Variants in PTPRA observed in about 807,000 individuals in gnomAD.
The protein encoded by PTPRA is protein tyrosine phosphatase receptor type A, also known as receptor-type tyrosine-protein phosphatase alpha.
PTPRA carries 25 observed loss-of-function variants against 104.8 expected under a neutral mutation model. The ratio of observed to expected loss-of-function variants is 0.24; its 90% CI spans 0.17 to 0.33. The LOEUF is 0.33. Ranked by LOEUF, PTPRA falls within the 10% of genes least tolerant of loss-of-function variation. The pLI, the probability that PTPRA is intolerant of heterozygous loss-of-function variation, is 1.00. For synonymous variants in PTPRA, 323 were observed against 368.9 expected, an observed-to-expected ratio of 0.88 and a Z score of 1.43; for missense variants, 765 against 1,015.3, an observed-to-expected ratio of 0.75 and a Z score of 3.35.
chr20:3,033,585 T>C (rs999241404), intron 20 of PTPRA, among the ~76,000 whole-genome samples: 3 of 151,162 alleles, frequency 2.0e-5, no homozygotes, highest in Non-Finnish European at 4.5e-5. Flanking sequence ...AAAATATAAA[T>C]CATTGTCACT....
chr20:2,906,765 ATAAT>A (rs1423384795), intron 1 of PTPRA, among the ~76,000 whole-genome samples: 7 of 152,228 alleles, frequency 4.6e-5, no homozygotes, highest in Non-Finnish European at 5.9e-5. Context: ...TACATGTCAA[ATAAT>A]TGATACCAGC....
intron 1 of PTPRA, among the ~76,000 whole-genome samples, chr20:2,899,313 G>A (rs2059139000): frequency 6.6e-6 from 1 of 152,212 alleles, no homozygotes; most frequent in Non-Finnish European, 1.5e-5. Flanking sequence ...GAATGACACA[G>A]AGAGGCCAAT....
chr20:3,018,454 T>G (rs1297388552), intron 13 of PTPRA, among the ~76,000 whole-genome samples: 4 of 151,524 alleles, frequency 2.6e-5, no homozygotes, highest in Non-Finnish European at 5.9e-5. Context: ...TTCAAGCATC[T>G]GTTTAACAAA....
At chr20:2,901,986 A>C (rs28408447) in intron 1 of PTPRA, among the ~76,000 whole-genome samples, 9 of 151,926 alleles carry the variant, frequency 5.9e-5, no homozygotes, top group Admixed American at 5.9e-4. Context: ...CCCAGGTTCA[A>C]GTGATTCTCC....
chr20:3,030,676 CTTTTTTTTTTTTTT>C (rs1180681994), intron 20 of PTPRA, among the ~76,000 whole-genome samples: 2 of 67,732 alleles, frequency 3.0e-5, no homozygotes, highest in South Asian at 5.7e-4. Flanking sequence ...TCTCCCTCTG[CTTTTTTTTTTTTTT>C]TTTTTTTTTT....
At chr20:3,003,248 C>T (rs1324474755) in intron 9 of PTPRA, among the ~76,000 whole-genome samples, 1 of 152,068 alleles carries the variant, frequency 6.6e-6, no homozygotes, top group Non-Finnish European at 1.5e-5. Context: ...TGTATCTAGC[C>T]CAGTGCCTGG....
At position 2,948,758 on chromosome 20, in the gene PTPRA, T is replaced by C. The variant is rs1983715; in HGVS notation, c.-7+734T>C. 9.6e-4 allele frequency among the ~76,000 whole-genome samples: 146 copies of C among 151,914 alleles called. 1 individual carries two copies. The East Asian group carries it at 0.024, about 25-fold the overall frequency. On this transcript the variant is annotated intron_variant, in intron 3 of 23. Transcript: ENST00000399903. ...CAAGGTCAGGAGATCAAGACCATCC[T>C]GGCTAACACAGTGAAACCCTGTCTG... is the stretch of plus-strand genomic sequence containing the variant.
intron 1 of PTPRA, among the ~76,000 whole-genome samples, chr20:2,909,810 T>C (rs1282483983): frequency 3.1e-5 from 4 of 127,104 alleles, no homozygotes; most frequent in Non-Finnish European, 6.2e-5. Context: ...ATATATATAA[T>C]ATAAGATAAT....
chr20:3,013,479 G>A (rs142257292), intron 11 of PTPRA, among the ~76,000 whole-genome samples: 47 of 151,236 alleles, frequency 3.1e-4, no homozygotes, highest in East Asian at 1.8e-3. Context: ...GTGCAATGGC[G>A]CGATCTCACT....
chr20:3,008,977 A>G (rs1374750122), intron 11 of PTPRA, among the ~76,000 whole-genome samples: 1 of 152,148 alleles, frequency 6.6e-6, no homozygotes, highest in African/African-American at 2.4e-5. Flanking sequence ...CAAGAAAAAA[A>G]AAGGACACTG....
At chr20:2,991,318 T>C (rs2063164564) in intron 9 of PTPRA, among the ~76,000 whole-genome samples, 1 of 150,126 alleles carries the variant, frequency 6.7e-6, no homozygotes, top group Non-Finnish European at 1.5e-5. Context: ...TGAGCCAAGG[T>C]CGTGCCATTG....
At chr20:2,869,206 A>G (rs760185613), upstream of PTPRA, among the ~76,000 whole-genome samples, 1 of 152,172 alleles carries the variant, frequency 6.6e-6, no homozygotes, top group Non-Finnish European at 1.5e-5. Flanking sequence ...TCATCTATCC[A>G]TTCCTCTATG....
chr20:2,957,244 C>T lies in PTPRA; in HGVS notation c.-6-7028C>T, dbSNP rs537602757. On this transcript the variant is annotated intron_variant, in intron 3 of 23. Transcript: ENST00000399903. ...AGCTTGCACTGAGCCGAGATCGCGC[C>T]ACAACATTCGAGCCTGGGCGACAGA... 2.0e-5 allele frequency among the ~76,000 whole-genome samples: 3 copies of T among 152,212 alleles called. No homozygotes were observed. In the South Asian group the frequency reaches 6.2e-4, roughly 32 times the overall value.
At position 3,032,012 on chromosome 20, in the gene PTPRA, G is replaced by A. The variant is rs1359479796; in HGVS notation, c.1921-3573G>A. Among the ~76,000 whole-genome samples, 6 of 152,158 alleles carry A rather than the reference G, an allele frequency of 3.9e-5. No homozygotes were observed. The East Asian group carries it at 1.2e-3, about 29-fold the overall frequency. On this transcript the variant is annotated intron_variant, in intron 20 of 23. Transcript: ENST00000399903. ...CACAAATCTCATAGAGGTAATTGGT[G>A]CCACCTAGCAATGCTATTGCTCTTT...
chr20:2,962,494 C>A (rs1222293252), intron 3 of PTPRA, among the ~76,000 whole-genome samples: 1 of 152,116 alleles, frequency 6.6e-6, no homozygotes, highest in Non-Finnish European at 1.5e-5. Context: ...AAACCATTTT[C>A]TATTAATTTA....
intron 9 of PTPRA, among the ~76,000 whole-genome samples, chr20:3,000,012 G>A (rs893931638): frequency 5.3e-5 from 8 of 152,168 alleles, no homozygotes; most frequent in South Asian, 2.1e-4. Context: ...TAGGCTGGGC[G>A]CAGTGGTTCA....
chr20:3,000,273 A>AC (rs1455772834), intron 9 of PTPRA, among the ~76,000 whole-genome samples: 4 of 152,120 alleles, frequency 2.6e-5, no homozygotes, highest in Admixed American at 2.6e-4. Flanking sequence ...GGGTGACAGA[A>AC]CAAGACTCCA....
chr20:3,022,201 G>A lies in PTPRA; in HGVS notation c.1309G>A (p.Ala437Thr). ...GGCCTGTAACCCTCAGTATGCAGGG[G>A]CCATCGTGGTCCACTGCAGGTCAGT... ...VKACNPQYAG[A>T]IVVHCSAGVG... Residue 437 changes from alanine (A) to threonine (T), a missense_variant, in exon 15 of 24, where the codon GCC becomes ACC. This residue lies in a region of PTPRA where 245 missense variants were observed against 398.7 expected (regional missense o/e 0.61). Coordinates refer to ENST00000399903, the MANE Select transcript of PTPRA (RefSeq NM_001385305.1). The surrounding 1 kb of genome is among the most constrained non-coding windows in gnomAD (Gnocchi z 4.6). 1.2e-6 allele frequency: 2 copies of A among 1,614,192 alleles called. No homozygotes were observed. Among genetic ancestry groups the A allele is most frequent in the Non-Finnish European group, 1.7e-6 (2 of 1,180,030 alleles).
intron 1 of PTPRA, among the ~76,000 whole-genome samples, chr20:2,880,544 A>G (rs2089988726): frequency 6.6e-6 from 1 of 152,216 alleles, no homozygotes; most frequent in Non-Finnish European, 1.5e-5. Context: ...AAATACTAAT[A>G]ATACAAGCAC....
Sources: allele counts gnomAD v4.1 joint callset (sites outside exome capture counted in the v4.1 genomes callset), GRCh38; gene constraint gnomAD v4.1.1; regional missense constraint gnomAD v4.1.1; non-coding constraint Gnocchi (gnomAD v3.1); transcripts MANE v1.5; gene names NCBI Gene and HGNC (gene_info 2026-07-23, HGNC 2026-07-21).